The following SEMA6D variants were observed in gnomAD, a reference collection of about 807,000 sequenced individuals.
SEMA6D encodes the protein semaphorin-6D.
Under a neutral mutation model 106.6 loss-of-function variants are expected in SEMA6D, and 35 were observed. That is an observed-to-expected ratio of 0.33 (90% confidence interval 0.25 to 0.44). The LOEUF is 0.44. Ranked by LOEUF, SEMA6D falls within the 20% of genes least tolerant of loss-of-function variation. The pLI is 1.00. For missense variants in SEMA6D, 1,185 were observed against 1,345.9 expected (o/e 0.88, Z 1.87); for synonymous variants, 499 against 487.7 (o/e 1.02, Z -0.31).
chr15:47,407,386 AACCAAAACAACAACAACAAC>A (rs2040615964), intron 1 of SEMA6D, among the ~76,000 whole-genome samples: 1 of 142,776 alleles, frequency 7.0e-6, no homozygotes, highest in Non-Finnish European at 1.5e-5. Context: ...AAAAAAAAAA[AACCAAAACAACAACAACAAC>A]AACAAAAAAA....
intron 2 of SEMA6D, among the ~76,000 whole-genome samples, chr15:47,466,812 C>T (rs2042676866): frequency 6.6e-6 from 1 of 151,360 alleles, no homozygotes; most frequent in Admixed American, 6.6e-5. Flanking sequence ...CTGCAACCTC[C>T]ACCTCCCAGG....
intron 1 of SEMA6D, among the ~76,000 whole-genome samples, chr15:47,723,083 T>C (rs376233750): frequency 2.4e-4 from 37 of 152,314 alleles, no homozygotes; most frequent in African/African-American, 8.9e-4. Context: ...GTTTTCTGAC[T>C]TCCTAATACT....
At chr15:47,731,670 A>T (rs578131582) in intron 1 of SEMA6D, among the ~76,000 whole-genome samples, 1 of 152,256 alleles carries the variant, frequency 6.6e-6, no homozygotes, top group East Asian at 1.9e-4. Context: ...GGTAATTATT[A>T]CTTTACCCAG....
At chr15:47,752,595 C>T (rs781201190) in intron 1 of SEMA6D, among the ~76,000 whole-genome samples, 3 of 152,088 alleles carry the variant, frequency 2.0e-5, no homozygotes, top group Non-Finnish European at 2.9e-5. Context: ...CAAATTTCAG[C>T]GCTGATGGAC....
At chr15:47,665,765 G>A (rs1040066298) in intron 4 of SEMA6D, among the ~76,000 whole-genome samples, 10 of 152,142 alleles carry the variant, frequency 6.6e-5, no homozygotes, top group Admixed American at 3.3e-4. Context: ...AGCCAAGATC[G>A]TGCCACTGCA....
intron 1 of SEMA6D, among the ~76,000 whole-genome samples, chr15:47,390,403 A>G (rs2039985642): frequency 6.6e-6 from 1 of 152,200 alleles, no homozygotes; most frequent in Non-Finnish European, 1.5e-5. Flanking sequence ...CCACCATGAA[A>G]CCAAAACAAG....
At chr15:47,260,717 T>C (rs528719267) in intron 1 of SEMA6D, among the ~76,000 whole-genome samples, 2 of 152,248 alleles carry the variant, frequency 1.3e-5, no homozygotes, top group African/African-American at 4.8e-5. Flanking sequence ...TGTTGGTGAT[T>C]GTCCTGGTAT....
chr15:47,718,583 C>T (rs953616186), intron 1 of SEMA6D: 65 of 152,446 alleles, frequency 4.3e-4, no homozygotes, highest in African/African-American at 1.6e-3. Context: ...CCCCACCGCC[C>T]ACCCGGCTCC....
chr15:47,566,810 G>A (rs924888677), intron 3 of SEMA6D, among the ~76,000 whole-genome samples: 3 of 152,196 alleles, frequency 2.0e-5, no homozygotes, highest in Middle Eastern at 3.2e-3. Context: ...TGTCTGTCAC[G>A]TGATAGTGTT....
At chr15:47,518,613 C>T (rs1180516674) in intron 3 of SEMA6D, among the ~76,000 whole-genome samples, 2 of 152,050 alleles carry the variant, frequency 1.3e-5, no homozygotes, top group Non-Finnish European at 2.9e-5. Context: ...TATACCTAAA[C>T]ATGGAAAAGG....
intron 3 of SEMA6D, among the ~76,000 whole-genome samples, chr15:47,579,623 T>C (rs1401544465): frequency 6.6e-6 from 1 of 152,192 alleles, no homozygotes; most frequent in African/African-American, 2.4e-5. Context: ...AAATTTTCAC[T>C]GCATTCATTT....
chr15:47,326,998 A>G (rs1417975105), intron 1 of SEMA6D, among the ~76,000 whole-genome samples: 1 of 152,196 alleles, frequency 6.6e-6, no homozygotes, highest in East Asian at 1.9e-4. Flanking sequence ...TCATTCCTGG[A>G]CAGTAGAAGT....
intron 1 of SEMA6D, among the ~76,000 whole-genome samples, chr15:47,722,708 A>G (rs896366947): frequency 6.6e-6 from 1 of 152,178 alleles, no homozygotes; most frequent in Non-Finnish European, 1.5e-5. Flanking sequence ...AACATTTACT[A>G]GTGAAATCAG....
intron 2 of SEMA6D, among the ~76,000 whole-genome samples, chr15:47,461,149 T>G (rs1323985456): frequency 2.0e-5 from 3 of 152,134 alleles, no homozygotes; most frequent in Non-Finnish European, 4.4e-5. Context: ...ATCACTGCCT[T>G]TATTTGATTC....
At chr15:47,414,134 A>G (rs1459667620) in intron 2 of SEMA6D, among the ~76,000 whole-genome samples, 1 of 152,216 alleles carries the variant, frequency 6.6e-6, no homozygotes, top group Non-Finnish European at 1.5e-5. Flanking sequence ...CCTGGAAGTG[A>G]TGATATAACT....
At chr15:47,657,578 A>G (rs569437700) in intron 4 of SEMA6D, among the ~76,000 whole-genome samples, 2 of 152,086 alleles carry the variant, frequency 1.3e-5, no homozygotes, top group African/African-American at 4.8e-5. Flanking sequence ...GAAAGAGAAT[A>G]TATCTAAAAA....
At chr15:47,692,355 A>G (rs939792552) in intron 4 of SEMA6D, among the ~76,000 whole-genome samples, 3 of 152,088 alleles carry the variant, frequency 2.0e-5, no homozygotes, top group Non-Finnish European at 4.4e-5. Flanking sequence ...ACATATCAGA[A>G]TATTAAATGT....
chr15:47,569,204 CAT>C (rs370884378), intron 3 of SEMA6D, among the ~76,000 whole-genome samples: 336 of 152,298 alleles, frequency 2.2e-3, no homozygotes, highest in African/African-American at 7.9e-3. Flanking sequence ...AGAAATGTCA[CAT>C]GACTTCATTT....
chr15:47,209,086 T>A (rs1313220019), intron 1 of SEMA6D, among the ~76,000 whole-genome samples: 4 of 152,220 alleles, frequency 2.6e-5, no homozygotes, highest in Non-Finnish European at 5.9e-5. Flanking sequence ...CCATTATTTC[T>A]AATAGGTAGG....
Sources: allele counts gnomAD v4.1 joint callset (sites outside exome capture counted in the v4.1 genomes callset), GRCh38; gene constraint gnomAD v4.1.1; transcripts MANE v1.5; gene names NCBI Gene and HGNC (gene_info 2026-07-23, HGNC 2026-07-21).